SYNE1: variants seen among roughly 807,000 people sequenced by gnomAD.
SYNE1 encodes spectrin repeat containing nuclear envelope protein 1, also known as nesprin-1.
A neutral mutation model predicts 1,111.0 loss-of-function variants in SYNE1; 616 were observed. The observed-to-expected ratio is 0.55, with a 90% CI of 0.52 to 0.59. The LOEUF is 0.59. SYNE1 is among the 20% of genes least tolerant of loss of function. The pLI, the probability that SYNE1 is intolerant of heterozygous loss-of-function variation, is 0.00. For synonymous variants in SYNE1, 3,855 were observed against 3,825.8 expected (o/e 1.01, Z -0.28); for missense variants, 10,006 against 10,417.0 (o/e 0.96, Z 1.72).
intron 129 of SYNE1, chr6:152,179,318 T>C (rs926866843): frequency 3.3e-5 from 5 of 152,164 alleles, no homozygotes; most frequent in Non-Finnish European, 5.9e-5. Context: ...TGATAAGATA[T>C]ACATACCTTT....
intron 131 of SYNE1, among the ~76,000 whole-genome samples, chr6:152,160,407 A>G (rs2062226909): frequency 6.6e-6 from 1 of 152,200 alleles, no homozygotes; most frequent in East Asian, 1.9e-4. Flanking sequence ...GAGCACCCAG[A>G]GCCCCTGCTC....
intron 140 of SYNE1, among the ~76,000 whole-genome samples, chr6:152,138,910 G>A (rs534931592): frequency 3.9e-5 from 6 of 152,256 alleles, no homozygotes; most frequent in Admixed American, 2.6e-4. Context: ...AAAATCAAAC[G>A]CAAATGCCAG....
Position 152,404,566 on chromosome 6 carries a change from A to G in SYNE1, c.6724-252T>C, listed in dbSNP as rs201113673. ...CACTCCTTTGTATTAGGAAAAAAAA[A>G]CCTCCTGGAAAAAAATTAAACACTG... On this transcript the variant is annotated intron_variant, in intron 45 of 145. Transcript: ENST00000367255. 2.7e-5 allele frequency among the ~76,000 whole-genome samples: 4 copies of G among 149,524 alleles called. No homozygotes were observed. The East Asian group carries it at 8.0e-4, about 30-fold the overall frequency.
intron 93 of SYNE1, 145 bp downstream of exon 93, chr6:152,300,496 T>G: frequency 1.7e-6 from 2 of 1,160,520 alleles, no homozygotes; most frequent in Non-Finnish European, 2.5e-6. Context: ...AATCATAGTT[T>G]GTGCAACTAT....
chr6:152,229,169 G>C (rs2153503242), intron 115 of SYNE1, among the ~76,000 whole-genome samples: 2 of 152,198 alleles, frequency 1.3e-5, no homozygotes, highest in South Asian at 4.1e-4. Context: ...ACCCGAAATA[G>C]AAAAACAAGA....
At chr6:152,571,503 T>C (rs2099457500) in intron 3 of SYNE1, among the ~76,000 whole-genome samples, 1 of 152,172 alleles carries the variant, frequency 6.6e-6, no homozygotes, top group African/African-American at 2.4e-5. Flanking sequence ...CAGAGGCATT[T>C]CATGACAGCT....
At chr6:152,459,139 T>C (rs1461220048) in intron 21 of SYNE1, among the ~76,000 whole-genome samples, 3 of 152,170 alleles carry the variant, frequency 2.0e-5, no homozygotes, top group Admixed American at 6.5e-5. Context: ...GACAAATAAA[T>C]GGCTACTGAG....
intron 116 of SYNE1, 60 bp downstream of exon 116, chr6:152,225,661 A>G: frequency 6.2e-7 from 1 of 1,609,310 alleles, no homozygotes; most frequent in Non-Finnish European, 8.5e-7. Flanking sequence ...ACCAAAACCC[A>G]GAGTTTGGAC....
chr6:152,388,972 T>C (rs1363670589), intron 53 of SYNE1, among the ~76,000 whole-genome samples: 1 of 152,154 alleles, frequency 6.6e-6, no homozygotes, highest in South Asian at 2.1e-4. Context: ...TAGCATCTGA[T>C]TTTTTTTCTT....
chr6:152,350,513 A>G, intron 71 of SYNE1, 105 bp downstream of exon 71: 2 of 1,532,322 alleles, frequency 1.3e-6, no homozygotes, highest in South Asian at 2.3e-5. Flanking sequence ...ATAAAAAAAA[A>G]TACTAACCCG....
rs904910615 is a variant in SYNE1 at position 152,483,197 on chromosome 6, G to C, written c.1238C>G (p.Thr413Ser). 1 of 1,614,060 alleles carries C rather than the reference G, an allele frequency of 6.2e-7. No homozygotes were observed. The highest frequency in any genetic ancestry group is 1.3e-5 in the African/African-American group (1 of 74,922). The change falls in exon 14 of 146, where the codon ACC (threonine) becomes AGC (serine). Residue 413 changes from threonine to serine, a missense_variant. Physicochemically the swap from Thr to Ser is moderately conservative, Grantham distance 58. Around this residue, in one of 7 missense-constraint regions of SYNE1, gnomAD observed 1,971 missense variants for 2,084.1 expected, o/e 0.95. Coordinates refer to ENST00000367255, the MANE Select transcript of SYNE1 (RefSeq NM_182961.4). Reference sequence around the variant, plus strand: ...CGCTCTGTACAGCCAGGCACCTATGGTGCCCAGAGGTGCAGGAAGAGATTT... The same window carrying C: ...CGCTCTGTACAGCCAGGCACCTATGCTGCCCAGAGGTGCAGGAAGAGATTT... ...LDKSLPAPLG[T>S]IGAWLYRAEV...
At position 152,143,651 on chromosome 6, in the gene SYNE1, G is replaced by C. The variant is rs148376885; in HGVS notation, c.25091C>G (p.Pro8364Arg). The change falls in exon 138 of 146, where the codon CCG becomes CGG. Residue 8364 changes from proline (P) to arginine (R), a missense_variant. Physicochemically the swap from Pro to Arg is moderately radical, Grantham distance 103 (BLOSUM62 -2). Transcript: ENST00000367255. ...NIIRSKTPTG[P>R]ELDTSYKGYM... ...GCCTTTGTAGCTGGTGTCTAGCTCCGGCCCCGTGGGAGTTTTGCTGCGAAT... is the reference window on the plus strand; with the variant it reads ...GCCTTTGTAGCTGGTGTCTAGCTCCCGCCCCGTGGGAGTTTTGCTGCGAAT... 1.2e-5 allele frequency: 20 copies of C among 1,614,120 alleles called. No homozygotes were observed. The highest frequency in any genetic ancestry group is 1.6e-5 in the Non-Finnish European group (19 of 1,180,028).
intron 145 of SYNE1, chr6:152,125,638 A>T: frequency 3.4e-6 from 1 of 294,950 alleles, no homozygotes. Flanking sequence ...ATGAGTTATA[A>T]CAGAGTGACT....
At chr6:152,252,757 ATGTCT>A (rs2089696884) in intron 104 of SYNE1, among the ~76,000 whole-genome samples, 1 of 152,224 alleles carries the variant, frequency 6.6e-6, no homozygotes, top group South Asian at 2.1e-4. Context: ...ATATTTTGAA[ATGTCT>A]TTTTGTTCGT....
chr6:152,391,961 C>T (rs2097649061), intron 51 of SYNE1, among the ~76,000 whole-genome samples: 1 of 152,172 alleles, frequency 6.6e-6, no homozygotes, highest in Admixed American at 6.5e-5. Flanking sequence ...TCTCAAAACC[C>T]CTGCTGTCTT....
chr6:152,263,668 G>T (rs1420286606), intron 100 of SYNE1, among the ~76,000 whole-genome samples: 1 of 151,906 alleles, frequency 6.6e-6, no homozygotes, highest in Admixed American at 6.6e-5. Context: ...CAAATTTGTG[G>T]ATTTCAGGAG....
chr6:152,377,468 T>C (rs920036870), intron 56 of SYNE1, among the ~76,000 whole-genome samples: 12 of 149,930 alleles, frequency 8.0e-5, no homozygotes, highest in African/African-American at 2.9e-4. Context: ...AATTAGCCAG[T>C]TGTGGTGGTG....
chr6:152,600,766 T>C (rs2099594224), intron 3 of SYNE1, among the ~76,000 whole-genome samples: 1 of 152,216 alleles, frequency 6.6e-6, no homozygotes, highest in Non-Finnish European at 1.5e-5. Context: ...GGAGGAAAGT[T>C]TTCCTCTAGA....
At position 152,416,464 on chromosome 6, in the gene SYNE1, C is replaced by T. The variant is rs2098157039; in HGVS notation, c.5973G>A (p.Leu1991=). 3 of 1,614,148 alleles carry T rather than the reference C, an allele frequency of 1.9e-6. No homozygotes were observed. In the South Asian group the frequency reaches 3.3e-5, roughly 18 times the overall value. The change falls in exon 41 of 146, where the codon CTG becomes CTA. Residue 1991 remains leucine, a synonymous_variant. Coordinates refer to ENST00000367255, the MANE Select transcript of SYNE1 (RefSeq NM_182961.4). Reference sequence around the variant, plus strand: ...TTTCTTCAATGTCCTCAATGCTTTTCAGAAGCTCCTCTTTCTGGTCTTGGA... The same window carrying T: ...TTTCTTCAATGTCCTCAATGCTTTTTAGAAGCTCCTCTTTCTGGTCTTGGA... ...KAFQDQKEEL[L]KSIEDIEERT...
Sources: allele counts gnomAD v4.1 joint callset (sites outside exome capture counted in the v4.1 genomes callset), GRCh38; gene constraint gnomAD v4.1.1; regional missense constraint gnomAD v4.1.1; transcripts MANE v1.5; gene names NCBI Gene and HGNC (gene_info 2026-07-23, HGNC 2026-07-21).